Variants in RORA observed in about 807,000 individuals in gnomAD.
RORA encodes the protein nuclear receptor ROR-alpha.
Under a neutral mutation model 69.5 loss-of-function variants are expected in RORA, and 7 were observed. The ratio of observed to expected loss-of-function variants is 0.10; its 90% CI spans 0.06 to 0.19. The LOEUF (loss-of-function observed/expected upper bound fraction) is 0.19. Ranked by LOEUF, RORA falls within the 10% of genes least tolerant of loss-of-function variation. The pLI is 1.00. For missense variants in RORA, 457 were observed against 663.0 expected, an observed-to-expected ratio of 0.69 and a Z score of 3.41; for synonymous variants, 261 against 240.8, an observed-to-expected ratio of 1.08 and a Z score of -0.78.
intron 2 of RORA, among the ~76,000 whole-genome samples, chr15:60,622,835 C>G (rs1418330203): frequency 6.6e-6 from 1 of 152,080 alleles, no homozygotes; most frequent in Non-Finnish European, 1.5e-5. Context: ...TCCATCTCAG[C>G]CACCTGAGTA....
intron 1 of RORA, among the ~76,000 whole-genome samples, chr15:61,177,951 G>C (rs951116387): frequency 4.1e-5 from 6 of 147,514 alleles, no homozygotes; most frequent in African/African-American, 7.5e-5. Context: ...AACAGAGCAA[G>C]ACTCCATCTC....
At chr15:60,926,760 C>T (rs1892230195) in intron 1 of RORA, among the ~76,000 whole-genome samples, 1 of 152,184 alleles carries the variant, frequency 6.6e-6, no homozygotes, top group East Asian at 1.9e-4. Flanking sequence ...AAATATCCCG[C>T]ATCATAAACA....
intron 1 of RORA, among the ~76,000 whole-genome samples, chr15:60,800,955 T>C (rs1297568848): frequency 1.3e-5 from 2 of 152,262 alleles, no homozygotes; most frequent in African/African-American, 4.8e-5. Context: ...TTCCCAATAC[T>C]TTCTGCAGTG....
In RORA at chr15:60,855,610, T is replaced by TTTTATTTATTTATTTATTTATTTA. The variant is rs56303340; in HGVS notation, c.167-176948_167-176925dup. Among the ~76,000 whole-genome samples the TTTTATTTATTTATTTATTTATTTA allele has an allele frequency of 2.8e-3, 433 of 152,000 alleles. 2 individuals carry two copies. The highest frequency in any genetic ancestry group is 0.01 in the African/African-American group (414 of 41,398). ...TTATTTATTCTCTTGCAGTGTTTGC[T>TTTTATTTATTTATTTATTTATTTA]TTTATTTATTTATTTATTTATTTAA... is the stretch of plus-strand genomic sequence containing the variant. On this transcript the variant is annotated intron_variant, in intron 1 of 10. Coordinates refer to ENST00000335670, the MANE Select transcript of RORA (RefSeq NM_134261.3).
chr15:60,718,255 A>G (rs2071245999), intron 1 of RORA, among the ~76,000 whole-genome samples: 1 of 152,190 alleles, frequency 6.6e-6, no homozygotes, highest in South Asian at 2.1e-4. Context: ...TACTGGTAGA[A>G]GGATCGTGCT....
At chr15:60,754,047 T>C (rs1166035509) in intron 1 of RORA, among the ~76,000 whole-genome samples, 1 of 152,202 alleles carries the variant, frequency 6.6e-6, no homozygotes, top group Admixed American at 6.5e-5. Flanking sequence ...CTCCTCTCAA[T>C]GAGTCTGAAT....
Position 60,876,511 on chromosome 15 carries a change from C to A in RORA, c.167-197825G>T, listed in dbSNP as rs73430068. ...CTGCACTGATGCCCATACACATCAA[C>A]CTTCACACATTTTTTTAAAACCTTC... On this transcript the variant is annotated intron_variant, in intron 1 of 10. Transcript: ENST00000335670. 6.9e-3 allele frequency among the ~76,000 whole-genome samples: 1,056 copies of A among 152,274 alleles called. 13 individuals are homozygous for A. Among genetic ancestry groups the A allele is most frequent in the African/African-American group, 0.024 (998 of 41,554 alleles).
chr15:60,515,505 A>G lies in RORA; in HGVS notation c.283-748T>C, dbSNP rs551740239. On this transcript the variant is annotated intron_variant, in intron 3 of 10. Transcript: ENST00000335670. ...TGTATAAGGAGCTACTGACCTCAAT[A>G]ACTTTATTTTTGTTTGTTTTTGCTA... Among the ~76,000 whole-genome samples, 4 of 152,172 alleles carry G rather than the reference A, an allele frequency of 2.6e-5. No individual in the cohort carries two copies. In the South Asian group the frequency reaches 8.3e-4, roughly 31 times the overall value.
Position 61,055,545 on chromosome 15 carries a change from G to A in RORA, c.166+173508C>T, listed in dbSNP as rs566686260. 7.1e-4 allele frequency among the ~76,000 whole-genome samples: 108 copies of A among 152,260 alleles called. 3 individuals are homozygous for A. Among genetic ancestry groups the A allele is most frequent in the South Asian group, 3.9e-3 (19 of 4,822 alleles). ...TGTGTCAGGTTCTTTAGGTGTTTTCGATGTTCAGGTCCTGTGCCAGGCCAT... is the reference window on the plus strand; with the variant it reads ...TGTGTCAGGTTCTTTAGGTGTTTTCAATGTTCAGGTCCTGTGCCAGGCCAT... On this transcript the variant is annotated intron_variant, in intron 1 of 10. Coordinates refer to ENST00000335670, the MANE Select transcript of RORA (RefSeq NM_134261.3).
intron 1 of RORA, among the ~76,000 whole-genome samples, chr15:60,839,894 G>A (rs1162967949): frequency 6.6e-6 from 1 of 152,166 alleles, no homozygotes; most frequent in Admixed American, 6.5e-5. Flanking sequence ...TCTAGTAGGT[G>A]CTCTTAGATC....
intron 1 of RORA, among the ~76,000 whole-genome samples, chr15:60,982,871 A>T (rs1894088119): frequency 1.3e-5 from 2 of 152,080 alleles, no homozygotes; most frequent in Non-Finnish European, 2.9e-5. Flanking sequence ...AGAAGGGTGA[A>T]CTTTTGGGAT....
At chr15:61,157,635 C>T (rs2079456255) in intron 1 of RORA, among the ~76,000 whole-genome samples, 1 of 152,102 alleles carries the variant, frequency 6.6e-6, no homozygotes, top group African/African-American at 2.4e-5. Context: ...GCACTGGGCA[C>T]ACACAGATAA....
chr15:60,942,450 G>A (rs929118538), intron 1 of RORA, among the ~76,000 whole-genome samples: 8 of 152,214 alleles, frequency 5.3e-5, no homozygotes, highest in African/African-American at 1.9e-4. Flanking sequence ...AATTATGTGT[G>A]TTAAGCAAGA....
At chr15:61,219,350 G>C (rs1596081017) in intron 1 of RORA, among the ~76,000 whole-genome samples, 1 of 152,190 alleles carries the variant, frequency 6.6e-6, no homozygotes, top group South Asian at 2.1e-4. Context: ...CAAGGCGGGA[G>C]GATCACGAGG....
intron 1 of RORA, among the ~76,000 whole-genome samples, chr15:60,853,208 C>T (rs2073344508): frequency 6.6e-6 from 1 of 152,106 alleles, no homozygotes; most frequent in Non-Finnish European, 1.5e-5. Flanking sequence ...GTGCTGCCAC[C>T]CACTCTTGGC....
chr15:60,880,846 AAT>A (rs1040834346), intron 1 of RORA, among the ~76,000 whole-genome samples: 86 of 152,364 alleles, frequency 5.6e-4, no homozygotes, highest in African/African-American at 2.1e-3. Context: ...GAAAGCCAGA[AAT>A]AAAAAAATCC....
intron 1 of RORA, among the ~76,000 whole-genome samples, chr15:61,004,704 T>C (rs1462787176): frequency 6.6e-6 from 1 of 152,120 alleles, no homozygotes. Flanking sequence ...GATACAGACA[T>C]GGGTCCGGGA....
At chr15:61,126,971 G>A (rs1239464442) in intron 1 of RORA, among the ~76,000 whole-genome samples, 1 of 152,172 alleles carries the variant, frequency 6.6e-6, no homozygotes, top group Admixed American at 6.5e-5. Context: ...CCTGGGAGAG[G>A]TATTGTATAA....
At chr15:60,575,223 G>A (rs528356714) in intron 2 of RORA, among the ~76,000 whole-genome samples, 3 of 152,238 alleles carry the variant, frequency 2.0e-5, no homozygotes, top group Admixed American at 1.3e-4. Context: ...CTATAGCAAC[G>A]TCACCACATC....
Sources: allele counts gnomAD v4.1 joint callset (sites outside exome capture counted in the v4.1 genomes callset), GRCh38; gene constraint gnomAD v4.1.1; transcripts MANE v1.5; gene names NCBI Gene and HGNC (gene_info 2026-07-23, HGNC 2026-07-21).